The following DRC3 variants were observed in gnomAD, a reference collection of about 807,000 sequenced individuals.
DRC3 encodes dynein regulatory complex subunit 3.
In DRC3, 45 loss-of-function variants were observed where a neutral mutation model predicts 57.6. The observed-to-expected ratio is 0.78, with a 90% CI of 0.62 to 1.00. The LOEUF (loss-of-function observed/expected upper bound fraction) is 1.00. Ranked by LOEUF, DRC3 falls within the 50% of genes least tolerant of loss-of-function variation. The pLI is 0.00. For missense variants in DRC3, 655 were observed against 675.2 expected (o/e 0.97, Z 0.33); for synonymous variants, 257 against 272.3 (o/e 0.94, Z 0.55).
chr17:18,011,705 C>T (rs1263617094), intron 12 of DRC3: 1 of 208,920 alleles, frequency 4.8e-6, no homozygotes, highest in East Asian at 1.1e-4. Context: ...TACCTGCCCC[C>T]TGACCTCTGG....
chr17:18,011,307 C>T, intron 12 of DRC3: 1 of 347,192 alleles, frequency 2.9e-6, no homozygotes, highest in Non-Finnish European at 5.6e-6. Flanking sequence ...CCTGCCCCAG[C>T]CAGCGCAGCA....
chr17:18,016,697 T>G lies in DRC3; in HGVS notation c.*26T>G. On this transcript the variant is annotated 3_prime_UTR_variant, in exon 14 of 14. Transcript: ENST00000399187. Reference sequence around the variant, plus strand: ...ATGAATGTCAGCCACAGGAGCTTCTTCAAAACATAGCACCAGCCCCAGCCA... The same window carrying G: ...ATGAATGTCAGCCACAGGAGCTTCTGCAAAACATAGCACCAGCCCCAGCCA... 5 of 1,481,586 alleles carry G rather than the reference T, an allele frequency of 3.4e-6. No homozygotes were observed. Among genetic ancestry groups the G allele is most frequent in the Non-Finnish European group, 2.8e-6 (3 of 1,061,550 alleles). 91.8% of individuals were successfully genotyped at this position (1,481,586 alleles called of 1,614,324 possible).
At chr17:17,975,011 C>G (rs1476918900) in intron 2 of DRC3, among the ~76,000 whole-genome samples, 2 of 152,180 alleles carry the variant, frequency 1.3e-5, no homozygotes, top group Non-Finnish European at 2.9e-5. Flanking sequence ...GATGCACAGT[C>G]AGGATCCAAA....
chr17:17,974,778 A>T (rs551272791), intron 2 of DRC3, among the ~76,000 whole-genome samples: 1 of 152,244 alleles, frequency 6.6e-6, no homozygotes, highest in South Asian at 2.1e-4. Flanking sequence ...AGTTCCCTAC[A>T]CCTACAAATT....
chr17:17,983,159 G>A (rs2042791342), intron 3 of DRC3, among the ~76,000 whole-genome samples: 1 of 152,188 alleles, frequency 6.6e-6, no homozygotes, highest in South Asian at 2.1e-4. Context: ...ACAGGGGCCA[G>A]GCACTTCCGT....
At chr17:17,976,595 C>T (rs927381220) in intron 2 of DRC3, among the ~76,000 whole-genome samples, 1 of 152,176 alleles carries the variant, frequency 6.6e-6, no homozygotes, top group Non-Finnish European at 1.5e-5. Context: ...GCAGGAGAAT[C>T]GCTTGAATCC....
Position 17,997,507 on chromosome 17 carries a change from G to T in DRC3, c.872G>T (p.Gly291Val), listed in dbSNP as rs2043509617. ...ATCTGCGTGAATATTTTTGAGTATG[G>T]CCTGAAACAGCAGGAGAAGCGGAAA... ...VIICVNIFEY[G>V]LKQQEKRKTE... Residue 291 changes from glycine (G) to valine (V), a missense_variant, in exon 9 of 14, where the codon GGC becomes GTC. Transcript: ENST00000399187. 6.2e-7 allele frequency: 1 copy of T among 1,612,738 alleles called. No individual in the cohort carries two copies. The highest frequency in any genetic ancestry group is 1.1e-5 in the South Asian group (1 of 90,788).
At chr17:18,003,945 C>G (rs999343545) in intron 9 of DRC3, among the ~76,000 whole-genome samples, 1 of 152,020 alleles carries the variant, frequency 6.6e-6, no homozygotes, top group African/African-American at 2.4e-5. Context: ...GCCACTGCTC[C>G]CGGCCTTTAA....
intron 9 of DRC3, among the ~76,000 whole-genome samples, chr17:18,001,569 G>A (rs980583353): frequency 6.6e-6 from 1 of 152,040 alleles, no homozygotes; most frequent in African/African-American, 2.4e-5. Flanking sequence ...GAAATGAATG[G>A]CAAATATTTT....
At chr17:18,006,133 G>T (rs746815460) in intron 10 of DRC3, 50 bp from the exon 11 acceptor site, 2 of 1,398,348 alleles carry the variant, frequency 1.4e-6, no homozygotes, top group Non-Finnish European at 2.0e-6. Context: ...CTTTTGCTCT[G>T]TGCTGGACAT....
intron 11 of DRC3, 119 bp from the exon 12 acceptor site, chr17:18,006,905 T>C (rs2043974157): frequency 6.8e-7 from 1 of 1,480,062 alleles, no homozygotes; most frequent in South Asian, 1.3e-5. Flanking sequence ...TGGACGGTGC[T>C]GCCAGCCAGA....
rs184914676 is a variant in DRC3, at chr17:17,986,159, G to A, written c.278-1773G>A. 5.7e-3 allele frequency among the ~76,000 whole-genome samples: 874 copies of A among 152,262 alleles called. 7 individuals carry two copies. The highest frequency in any genetic ancestry group is 0.01 in the Non-Finnish European group (686 of 68,022). ...ACTGCTGGCCTCAAGCAATCCACCC[G>A]CCTCAGCCTCGCAAAGTGCCGGGAT... On this transcript the variant is annotated intron_variant, in intron 4 of 13. Coordinates refer to ENST00000399187, the MANE Select transcript of DRC3 (RefSeq NM_031294.4).
At chr17:17,991,206 C>T (rs1293430433) in intron 5 of DRC3, among the ~76,000 whole-genome samples, 1 of 151,054 alleles carries the variant, frequency 6.6e-6, no homozygotes, top group African/African-American at 2.4e-5. Context: ...GAAAGAAATT[C>T]ACTCAGAAAA....
intron 3 of DRC3, among the ~76,000 whole-genome samples, chr17:17,979,252 G>A (rs886157972): frequency 1.3e-5 from 2 of 152,218 alleles, no homozygotes; most frequent in African/African-American, 4.8e-5. Context: ...ACAGGTCGGG[G>A]AGGTCATGGT....
Position 17,997,591 on chromosome 17 carries a change from A to T in DRC3, c.956A>T (p.Gln319Leu), listed in dbSNP as rs750721132. Reference protein sequence around the residue: ...VREAIQENQEQGKRKIAKFEE... With the variant: ...VREAIQENQELGKRKIAKFEE... The stretch of plus-strand genomic sequence containing the variant: ...GAGGCCATCCAGGAAAACCAGGAGC[A>T]GGGCAAACGCAAGATTGCCAAATTC... Residue 319 changes from glutamine to leucine, a missense_variant, in exon 9 of 14, where the codon CAG becomes CTG. By Grantham distance (113) the Gln-to-Leu change is moderately radical. Transcript: ENST00000399187. 3.1e-6 allele frequency: 5 copies of T among 1,610,938 alleles called. No homozygotes were observed. The highest frequency in any genetic ancestry group is 4.2e-6 in the Non-Finnish European group (5 of 1,178,720).
rs114855448 is a variant in DRC3, at chr17:18,012,815, G to A, written c.1327-3249G>A. ...ACAGACAACAAAAGCAAAAATAAAT[G>A]GAATATATCAAACTATAAATCTTCT... is the stretch of plus-strand genomic sequence containing the variant. On this transcript the variant is annotated intron_variant, in intron 12 of 13. Transcript: ENST00000399187. 2.5e-3 allele frequency among the ~76,000 whole-genome samples: 384 copies of A among 152,096 alleles called. 1 individual carries two copies. The highest frequency in any genetic ancestry group is 8.9e-3 in the African/African-American group (371 of 41,492).
At position 18,007,082 on chromosome 17, in the gene DRC3, A is replaced by G. The variant is rs755442046; in HGVS notation, c.1261A>G (p.Ile421Val). The stretch of plus-strand genomic sequence containing the variant: ...CCACGAGAAGCTCCTGGAGATCTCT[A>G]TCAGCACCCTGGAGAAGATTGTCGA... Reference protein sequence around the residue: ...HHHEKLLEISISTLEKIVEGD... With the variant: ...HHHEKLLEISVSTLEKIVEGD... The change falls in exon 12 of 14, where the codon ATC (isoleucine) becomes GTC (valine). Residue 421 changes from isoleucine (I) to valine (V), a missense_variant. By Grantham distance (29) the Ile-to-Val change is conservative. Transcript: ENST00000399187. 2.9e-5 allele frequency: 39 copies of G among 1,348,044 alleles called. No individual in the cohort carries two copies. In the East Asian group the frequency reaches 3.0e-4, roughly 10 times the overall value. The allele number at this position is 1,348,044 out of a possible 1,614,324, so 83.5% of individuals were successfully genotyped here.
In DRC3 at chr17:18,016,592, G is replaced by T; in HGVS notation, c.1493G>T (p.Arg498Leu). 6.2e-7 allele frequency: 1 copy of T among 1,613,862 alleles called. No homozygotes were observed. The highest frequency in any genetic ancestry group is 8.5e-7 in the Non-Finnish European group (1 of 1,179,818). ...GATGAGATCATGAGGAACCGCAAGC[G>T]CGTGAAGGAGATCAATCAGTACATC... Reference protein sequence around the residue: ...HKDEIMRNRKRVKEINQYIDH... With the variant: ...HKDEIMRNRKLVKEINQYIDH... The change falls in exon 14 of 14, where the codon CGC becomes CTC. Residue 498 changes from arginine (R) to leucine (L), a missense_variant. By Grantham distance (102) the Arg-to-Leu change is moderately radical. Transcript: ENST00000399187.
chr17:17,985,649 G>A (rs577503535), intron 4 of DRC3, among the ~76,000 whole-genome samples: 2 of 152,332 alleles, frequency 1.3e-5, no homozygotes, highest in South Asian at 4.1e-4. Context: ...TTCCAGGGAT[G>A]CCACGCTGGT....
Sources: gnomAD v4.1 joint callset for allele counts (sites outside exome capture counted in the v4.1 genomes callset) on GRCh38, gnomAD v4.1.1 for gene constraint, MANE v1.5 for transcripts, NCBI Gene and HGNC (gene_info 2026-07-23, HGNC 2026-07-21) for gene names.